Variants in BRD10 observed in about 807,000 individuals in gnomAD.
BRD10 encodes uncharacterized bromodomain-containing protein 10.
At chr9:5,933,822 G>A in the BRD10 span, 1,043 of 471,216 alleles carry the variant, frequency 2.2e-3, 11 homozygotes, top group African/African-American at 0.019. Context: ...GCATAACACT[G>A]GCTGGAGTGT....
chr9:5,941,853 G>A, the BRD10 span, among the ~76,000 whole-genome samples: 1 of 152,078 alleles, frequency 6.6e-6, no homozygotes, highest in South Asian at 2.1e-4. Context: ...CTTCCCTGCT[G>A]CTTTTCTACT....
chr9:5,897,802 CT>C, the BRD10 span: 1 of 715,984 alleles, frequency 1.4e-6, no homozygotes, highest in South Asian at 1.7e-5. Context: ...CTACATTGTA[CT>C]TTGGCAACTC....
the BRD10 span, among the ~76,000 whole-genome samples, chr9:5,896,444 T>C: frequency 2.0e-5 from 3 of 152,160 alleles, no homozygotes; most frequent in African/African-American, 7.2e-5. Context: ...TCTATCCTGT[T>C]TGGAGACGGA....
the BRD10 span, chr9:5,919,745 G>A: frequency 3.1e-6 from 5 of 1,613,232 alleles, no homozygotes; most frequent in African/African-American, 5.3e-5. Flanking sequence ...GAAGACAGAC[G>A]CAGGACTTCG....
chr9:5,971,876 T>C, the BRD10 span, among the ~76,000 whole-genome samples: 17 of 152,052 alleles, frequency 1.1e-4, no homozygotes, highest in African/African-American at 3.9e-4. Context: ...ACTAGAGGAC[T>C]GCAAGAAAAT....
chr9:5,986,883 T>C, the BRD10 span, among the ~76,000 whole-genome samples: 37 of 152,226 alleles, frequency 2.4e-4, no homozygotes, highest in African/African-American at 8.9e-4. Context: ...AAACAATTTA[T>C]TCAAAATGAA....
chr9:5,967,663 T>G, the BRD10 span, among the ~76,000 whole-genome samples: 1 of 150,784 alleles, frequency 6.6e-6, no homozygotes, highest in African/African-American at 2.4e-5. Flanking sequence ...AAATCAGTGC[T>G]TTTCCTACTA....
the BRD10 span, among the ~76,000 whole-genome samples, chr9:5,901,945 G>A: frequency 6.6e-6 from 1 of 152,150 alleles, no homozygotes; most frequent in African/African-American, 2.4e-5. Context: ...TTTTGCATCT[G>A]TATTCATGAG....
chr9:5,997,574 C>T, the BRD10 span, among the ~76,000 whole-genome samples: 1 of 151,892 alleles, frequency 6.6e-6, no homozygotes, highest in Non-Finnish European at 1.5e-5. Flanking sequence ...TCCAAGTACA[C>T]CAGAGACATA....
At chr9:6,007,349 C>T in the BRD10 span, 5 of 1,613,394 alleles carry the variant, frequency 3.1e-6, no homozygotes, top group Admixed American at 6.7e-5. Context: ...TGGCCGCTGG[C>T]GAACTTCTCT....
At chr9:6,006,074 T>C in the BRD10 span, among the ~76,000 whole-genome samples, 5 of 152,246 alleles carry the variant, frequency 3.3e-5, no homozygotes, top group Non-Finnish European at 7.3e-5. Flanking sequence ...CTAGGAGCTA[T>C]TCTGTAAGAG....
At chr9:5,996,625 C>G in the BRD10 span, among the ~76,000 whole-genome samples, 1 of 152,052 alleles carries the variant, frequency 6.6e-6, no homozygotes, top group Non-Finnish European at 1.5e-5. Context: ...GCTACCATGC[C>G]CGAGCCATGT....
the BRD10 span, among the ~76,000 whole-genome samples, chr9:5,946,465 T>G: frequency 6.6e-6 from 1 of 151,994 alleles, no homozygotes; most frequent in African/African-American, 2.4e-5. Context: ...ACCAGGTAAG[T>G]GGGTCTAGAA....
At chr9:5,968,870 T>A in the BRD10 span, 1 of 1,613,386 alleles carries the variant, frequency 6.2e-7, no homozygotes, top group Non-Finnish European at 8.5e-7. Context: ...CCTGCATTCA[T>A]GGATAGGCTG....
the BRD10 span, chr9:5,892,329 A>G: frequency 9.1e-6 from 5 of 549,094 alleles, no homozygotes; most frequent in East Asian, 1.3e-4. Flanking sequence ...ACAGAGAGAA[A>G]CCAAAGGGTC....
At chr9:6,001,438 T>C in the BRD10 span, among the ~76,000 whole-genome samples, 2 of 152,166 alleles carry the variant, frequency 1.3e-5, no homozygotes. Context: ...CCACTACATA[T>C]CCTCATCATC....
chr9:5,914,878 C>T, the BRD10 span, among the ~76,000 whole-genome samples: 50 of 152,016 alleles, frequency 3.3e-4, no homozygotes, highest in African/African-American at 1.0e-3. Flanking sequence ...TGGAGAGACA[C>T]AAATCAATAA....
the BRD10 span, among the ~76,000 whole-genome samples, chr9:5,963,215 A>C: frequency 2.6e-5 from 1 of 38,406 alleles, no homozygotes; most frequent in African/African-American, 1.1e-4. Context: ...GCAAAGTCTC[A>C]GGATACAAAA....
At chr9:5,892,591 C>G in the BRD10 span, 1 of 1,570,676 alleles carries the variant, frequency 6.4e-7, no homozygotes, top group Non-Finnish European at 8.7e-7. Flanking sequence ...TCCAGTTTGC[C>G]GTTTGCTGAC....
Sources: allele counts gnomAD v4.1 joint callset (sites outside exome capture counted in the v4.1 genomes callset), GRCh38; gene constraint gnomAD v4.1.1; transcripts MANE v1.5; gene names NCBI Gene and HGNC (gene_info 2026-07-23, HGNC 2026-07-21).